Variants in RASA3 observed in about 807,000 individuals in gnomAD.
RASA3 encodes ras GTPase-activating protein 3.
Under a neutral mutation model 110.0 loss-of-function variants are expected in RASA3, and 73 were observed. The ratio of observed to expected loss-of-function variants is 0.66; its 90% confidence interval spans 0.55 to 0.81. The LOEUF (loss-of-function observed/expected upper bound fraction) is 0.81. Among genes scored for constraint, RASA3 ranks in the 30% least tolerant of loss-of-function variants. The pLI, the probability that RASA3 is intolerant of heterozygous loss-of-function variation, is 0.00. For missense variants in RASA3, 976 were observed against 1,113.2 expected, an observed-to-expected ratio of 0.88 and a Z score of 1.75; for synonymous variants, 500 against 451.4, an observed-to-expected ratio of 1.11 and a Z score of -1.37.
Position 114,114,394 on chromosome 13 carries a change from C to T in RASA3, c.55+18041G>A, listed in dbSNP as rs1236543980. Among the ~76,000 whole-genome samples, 3 of 152,272 alleles carry T rather than the reference C, an allele frequency of 2.0e-5. No individual in the cohort carries two copies. The highest frequency in any genetic ancestry group is 6.5e-5 in the Admixed American group (1 of 15,304). ...TTCTCTGGGATATCTTGACCTGGCA[C>T]GCAGAGGGGTGAAGGAACGGGGACA... On this transcript the variant is annotated intron_variant, in intron 1 of 23. Transcript: ENST00000334062. This position sits in a 1 kb window ranked among gnomAD's most constrained non-coding sequence, Gnocchi z 4.8.
chr13:114,128,308 T>C (rs936776175), intron 1 of RASA3, among the ~76,000 whole-genome samples: 14 of 152,230 alleles, frequency 9.2e-5, no homozygotes, highest in African/African-American at 2.9e-4. Flanking sequence ...CTGAAGACAC[T>C]GTTGCTACTT....
At chr13:114,032,233 C>G (rs1341472562) in intron 4 of RASA3, among the ~76,000 whole-genome samples, 2 of 152,156 alleles carry the variant, frequency 1.3e-5, no homozygotes, top group Non-Finnish European at 2.9e-5. Context: ...GAACCCGGCT[C>G]TATTCTGAAT....
intron 1 of RASA3, 62 bp from the exon 2 acceptor site, chr13:114,073,899 G>T: frequency 1.5e-6 from 2 of 1,362,468 alleles, no homozygotes; most frequent in Non-Finnish European, 1.1e-6. Flanking sequence ...CTGCTACATC[G>T]CAGACACGTT....
intron 22 of RASA3, among the ~76,000 whole-genome samples, chr13:113,989,236 T>C (rs1439019002): frequency 5.0e-5 from 7 of 140,482 alleles, no homozygotes; most frequent in African/African-American, 1.9e-4. Flanking sequence ...CATCCATCCA[T>C]CCACCCATCT....
In RASA3 at chr13:114,132,592, C is replaced by G; in HGVS notation, c.-103G>C. 1 of 1,015,994 alleles carries G rather than the reference C, an allele frequency of 9.8e-7. No homozygotes were observed. Among genetic ancestry groups the G allele is most frequent in the Non-Finnish European group, 1.2e-6 (1 of 805,176 alleles). The allele number at this position is 1,015,994 out of a possible 1,614,324, so 62.9% of individuals were successfully genotyped here. ...GCGGCGCCGGAGCCCCGAGCGCGGC[C>G]GAGGGTCCGCCCGCCTGCAAGACCG... On this transcript the variant is annotated 5_prime_UTR_variant, in exon 1 of 24. Transcript: ENST00000334062.
chr13:113,982,340 T>C (rs373368320), intron 22 of RASA3, among the ~76,000 whole-genome samples: 16 of 152,214 alleles, frequency 1.1e-4, no homozygotes, highest in East Asian at 3.9e-4. Context: ...CCACTGAGCA[T>C]GTCCAGCCAG....
At chr13:113,992,420 T>A (rs1161537233) in intron 22 of RASA3, 65 bp downstream of exon 22, 1 of 1,317,392 alleles carries the variant, frequency 7.6e-7, no homozygotes, top group Admixed American at 1.7e-5. Context: ...CACAGCATGC[T>A]CCTGAGGCCG....
In RASA3 at chr13:114,014,120, CTCCT is replaced by C. The variant is rs1391683159; in HGVS notation, c.1406-876_1406-873del. ...CGTCTCTCCCTGTCTCTCTCTCTCT[CTCCT>C]TGTCTCTCTCTGTCTCTCTCCTTCT... is the stretch of plus-strand genomic sequence containing the variant. On this transcript the variant is annotated intron_variant, in intron 14 of 23. Coordinates refer to ENST00000334062, the MANE Select transcript of RASA3 (RefSeq NM_007368.4). The surrounding 1 kb of genome is among the most constrained non-coding windows in gnomAD (Gnocchi z 4.5). Among the ~76,000 whole-genome samples the C allele has an allele frequency of 4.6e-5, 7 of 150,882 alleles. No individual in the cohort carries two copies. Among genetic ancestry groups the C allele is most frequent in the African/African-American group, 7.3e-5 (3 of 41,190 alleles).
At position 113,981,454 on chromosome 13, in the gene RASA3, G is replaced by A. The variant is rs900524237; in HGVS notation, c.2429+221C>T. On this transcript the variant is annotated intron_variant, in intron 23 of 23. Transcript: ENST00000334062. ...CAGCCCGGACGCTGGCTGGGGGCCT[G>A]GAGAGCAAAGGCAGCACCTGCTCTG... Among the ~76,000 whole-genome samples, 5 of 152,318 alleles carry A rather than the reference G, an allele frequency of 3.3e-5. No individual in the cohort carries two copies. The East Asian group carries it at 9.6e-4, about 29-fold the overall frequency.
chr13:114,102,059 C>G (rs1282807685), intron 1 of RASA3, among the ~76,000 whole-genome samples: 2 of 152,214 alleles, frequency 1.3e-5, no homozygotes, highest in Non-Finnish European at 2.9e-5. Context: ...ACACAGTCCC[C>G]AGCCTTGAGC....
chr13:114,106,253 G>A (rs116832239), intron 1 of RASA3, among the ~76,000 whole-genome samples: 3,604 of 152,272 alleles, frequency 0.024, 99 homozygotes, highest in African/African-American at 0.06. Context: ...GTATCTCCAC[G>A]GAGCAAAATA....
chr13:113,991,844 CCA>C (rs1279622573), intron 22 of RASA3, among the ~76,000 whole-genome samples: 19 of 152,190 alleles, frequency 1.2e-4, no homozygotes, highest in Non-Finnish European at 4.4e-5. Context: ...CCTCATGTTT[CCA>C]CACATGCACA....
intron 1 of RASA3, among the ~76,000 whole-genome samples, chr13:114,121,626 T>A (rs68108676): frequency 2.0e-5 from 3 of 152,110 alleles, no homozygotes; most frequent in South Asian, 2.1e-4. Context: ...CCTGAACCTC[T>A]GTCTCTCAGG....
chr13:114,127,765 A>T (rs897475950), intron 1 of RASA3, among the ~76,000 whole-genome samples: 4 of 152,122 alleles, frequency 2.6e-5, no homozygotes, highest in African/African-American at 9.7e-5. Context: ...AAAAAAAATT[A>T]ATGGACAATA....
intron 4 of RASA3, among the ~76,000 whole-genome samples, chr13:114,037,669 A>G (rs900124612): frequency 3.3e-5 from 5 of 152,222 alleles, no homozygotes; most frequent in African/African-American, 1.2e-4. Flanking sequence ...AAAATGGTAA[A>G]TTTCATGTCT....
intron 2 of RASA3, among the ~76,000 whole-genome samples, chr13:114,052,449 C>A (rs763146212): frequency 1.3e-5 from 2 of 152,210 alleles, no homozygotes; most frequent in Non-Finnish European, 2.9e-5. Context: ...GACTTCCATG[C>A]TACGTGCTCA....
At chr13:113,998,882 A>AG in intron 20 of RASA3, among the ~76,000 whole-genome samples, 1 of 152,398 alleles carries the variant, frequency 6.6e-6, no homozygotes, top group South Asian at 2.1e-4. Context: ...CACAGCCGGA[A>AG]GAACGGGACT....
chr13:113,982,133 C>T (rs1262049709), intron 22 of RASA3, among the ~76,000 whole-genome samples: 1 of 152,214 alleles, frequency 6.6e-6, no homozygotes, highest in African/African-American at 2.4e-5. Flanking sequence ...CCCCTAGCTC[C>T]CAGCCTTGTC....
intron 22 of RASA3, among the ~76,000 whole-genome samples, chr13:113,982,822 G>C (rs1165343667): frequency 6.6e-6 from 1 of 152,236 alleles, no homozygotes; most frequent in Non-Finnish European, 1.5e-5. Flanking sequence ...AAGCTGGCTT[G>C]CCTCTTCCAC....
Sources: allele counts gnomAD v4.1 joint callset (sites outside exome capture counted in the v4.1 genomes callset), GRCh38; gene constraint gnomAD v4.1.1; non-coding constraint Gnocchi (gnomAD v3.1); transcripts MANE v1.5; gene names NCBI Gene and HGNC (gene_info 2026-07-23, HGNC 2026-07-21).